The following DOCK2 variants were observed in gnomAD, a reference collection of about 807,000 sequenced individuals.
DOCK2 encodes dedicator of cytokinesis protein 2.
In DOCK2, 87 loss-of-function variants were observed where a neutral mutation model predicts 248.9. That is an observed-to-expected ratio of 0.35 (90% CI 0.29 to 0.42). DOCK2 has a LOEUF of 0.42. DOCK2 is among the 10% of genes least tolerant of loss of function. The pLI is 1.00. For synonymous variants in DOCK2, 805 were observed against 821.6 expected (o/e 0.98, Z 0.35); for missense variants, 1,747 against 2,300.2 (o/e 0.76, Z 4.92).
intron 27 of DOCK2, among the ~76,000 whole-genome samples, chr5:169,944,163 G>A (rs1283309742): frequency 6.6e-6 from 1 of 152,152 alleles, no homozygotes. Context: ...AGGCTCAGGG[G>A]CGTGAGCTGC....
chr5:169,763,571 G>C lies in DOCK2; in HGVS notation c.2554+1946G>C, dbSNP rs958763448. On this transcript the variant is annotated intron_variant, in intron 25 of 51. Transcript: ENST00000520908. This position sits in a 1 kb window ranked among gnomAD's most constrained non-coding sequence, Gnocchi z 4.1. ...AAGTCGGAGTAATTCCTTGACTGCA[G>C]CCACATCTCCAGGGCTGGGAGGAGG... 5.3e-5 allele frequency among the ~76,000 whole-genome samples: 8 copies of C among 152,212 alleles called. No homozygotes were observed. The highest frequency in any genetic ancestry group is 4.4e-5 in the Non-Finnish European group (3 of 68,034).
intron 30 of DOCK2, among the ~76,000 whole-genome samples, chr5:170,005,206 A>C (rs1304338702): frequency 6.6e-6 from 1 of 152,212 alleles, no homozygotes; most frequent in Non-Finnish European, 1.5e-5. Flanking sequence ...AAATAGGCAA[A>C]TCCACAGAGA....
At chr5:169,749,325 G>A (rs541408214) in intron 23 of DOCK2, among the ~76,000 whole-genome samples, 4 of 152,190 alleles carry the variant, frequency 2.6e-5, no homozygotes, top group South Asian at 2.1e-4. Context: ...AAATCACAAG[G>A]AAAACAAGGC....
At chr5:169,671,512 A>T (rs1028586201) in intron 5 of DOCK2, among the ~76,000 whole-genome samples, 2 of 152,208 alleles carry the variant, frequency 1.3e-5, no homozygotes, top group African/African-American at 4.8e-5. Flanking sequence ...TTTTTAATAA[A>T]CTCAGATTTG....
At chr5:169,894,388 C>T (rs1395975936) in intron 27 of DOCK2, among the ~76,000 whole-genome samples, 1 of 152,146 alleles carries the variant, frequency 6.6e-6, no homozygotes, top group African/African-American at 2.4e-5. Flanking sequence ...TGGAAGTACC[C>T]CCTTCTCCTG....
At position 169,841,896 on chromosome 5, in the gene DOCK2, G is replaced by A. The variant is rs539722231; in HGVS notation, c.2799+1044G>A. ...TTTGTCATTGCTGTGTCTCTAGGTC[G>A]TATAACAGCACTTGGCATATAGCAG... On this transcript the variant is annotated intron_variant, in intron 27 of 51. Transcript: ENST00000520908. Among the ~76,000 whole-genome samples the A allele has an allele frequency of 5.3e-5, 8 of 152,262 alleles. No homozygotes were observed. The East Asian group carries it at 7.7e-4, about 15-fold the overall frequency.
chr5:169,823,415 A>G (rs1352567932), intron 26 of DOCK2, among the ~76,000 whole-genome samples: 1 of 152,182 alleles, frequency 6.6e-6, no homozygotes, highest in Non-Finnish European at 1.5e-5. Flanking sequence ...CAAAAAGCTT[A>G]TCCACCGTGA....
chr5:169,925,588 A>AAG, intron 27 of DOCK2, among the ~76,000 whole-genome samples: 1 of 150,386 alleles, frequency 6.6e-6, no homozygotes, highest in East Asian at 1.9e-4. Flanking sequence ...TTAAAAAAAA[A>AAG]AAAAAAAAAA....
At chr5:169,903,166 A>C (rs1409000160) in intron 27 of DOCK2, among the ~76,000 whole-genome samples, 3 of 152,054 alleles carry the variant, frequency 2.0e-5, no homozygotes, top group Non-Finnish European at 2.9e-5. Context: ...AGTCTCAGCT[A>C]CTGGGGAAGC....
chr5:169,689,042 G>C (rs1048413753), intron 8 of DOCK2, among the ~76,000 whole-genome samples: 2 of 152,038 alleles, frequency 1.3e-5, no homozygotes, highest in Admixed American at 1.3e-4. Flanking sequence ...AATACGCATA[G>C]GTTAATAGTT....
Position 169,851,072 on chromosome 5 carries a change from C to A in DOCK2, c.2799+10220C>A, listed in dbSNP as rs1055006644. On this transcript the variant is annotated intron_variant, in intron 27 of 51. Coordinates refer to ENST00000520908, the MANE Select transcript of DOCK2 (RefSeq NM_004946.3). ...AAGTGAGACCCATGTGGGAAGGGAC[C>A]ACTTCCTTTTATCTTTCCATTCATC... Among the ~76,000 whole-genome samples the A allele has an allele frequency of 1.8e-4, 27 of 152,308 alleles. No individual in the cohort carries two copies. The South Asian group carries it at 3.7e-3, about 21-fold the overall frequency.
intron 27 of DOCK2, among the ~76,000 whole-genome samples, chr5:169,853,645 T>C (rs184610110): frequency 1.7e-3 from 257 of 152,094 alleles, no homozygotes; most frequent in African/African-American, 4.5e-3. Flanking sequence ...GAAAGAAATA[T>C]GGCCCCTCAC....
intron 27 of DOCK2, among the ~76,000 whole-genome samples, chr5:169,937,881 C>T (rs751626264): frequency 1.3e-5 from 2 of 152,192 alleles, no homozygotes; most frequent in African/African-American, 2.4e-5. Flanking sequence ...TGGTGGGTCC[C>T]TTTCTCCATT....
At chr5:169,675,998 CATG>C (rs35832439) in intron 6 of DOCK2, among the ~76,000 whole-genome samples, 13,015 of 152,224 alleles carry the variant, frequency 0.085, 612 homozygotes, top group Middle Eastern at 0.12. Context: ...CCGTTGGTTC[CATG>C]ATGTCTTTAG....
At chr5:169,801,890 C>G (rs1483384524) in intron 25 of DOCK2, among the ~76,000 whole-genome samples, 1 of 151,424 alleles carries the variant, frequency 6.6e-6, no homozygotes, top group Non-Finnish European at 1.5e-5. Flanking sequence ...TATCTCTGTA[C>G]CTTGATAAGG....
intron 22 of DOCK2, among the ~76,000 whole-genome samples, chr5:169,742,714 T>C (rs1763383706): frequency 6.6e-6 from 1 of 152,226 alleles, no homozygotes; most frequent in Non-Finnish European, 1.5e-5. Flanking sequence ...AGGCTTTATG[T>C]ACCTGCGTGA....
At chr5:169,828,874 G>T (rs1045381813) in intron 26 of DOCK2, among the ~76,000 whole-genome samples, 1 of 152,158 alleles carries the variant, frequency 6.6e-6, no homozygotes, top group Non-Finnish European at 1.5e-5. Context: ...CTTGTGCTAG[G>T]TGTTGAGCCC....
At chr5:170,057,801 A>AT in intron 44 of DOCK2, 135 bp downstream of exon 44, 2 of 737,710 alleles carry the variant, frequency 2.7e-6, no homozygotes, top group Non-Finnish European at 4.2e-6. Context: ...CAGAATTCCC[A>AT]TGCAGGCAGC....
intron 36 of DOCK2, among the ~76,000 whole-genome samples, chr5:170,040,038 C>T (rs1019572934): frequency 2.0e-5 from 3 of 152,248 alleles, no homozygotes; most frequent in Non-Finnish European, 4.4e-5. Flanking sequence ...TAGGTAATAA[C>T]TGTCACTGCT....
Sources: gnomAD v4.1 joint callset for allele counts (sites outside exome capture counted in the v4.1 genomes callset) on GRCh38, gnomAD v4.1.1 for gene constraint, Gnocchi (gnomAD v3.1) non-coding constraint, MANE v1.5 for transcripts, NCBI Gene and HGNC (gene_info 2026-07-23, HGNC 2026-07-21) for gene names.